The following ARHGAP15 variants were observed in gnomAD, a reference collection of about 807,000 sequenced individuals.
ARHGAP15 encodes the protein Rho GTPase activating protein 15.
Under a neutral mutation model 63.7 loss-of-function variants are expected in ARHGAP15, and 51 were observed. That is an observed-to-expected ratio of 0.80 (90% CI 0.64 to 1.01). The LOEUF (loss-of-function observed/expected upper bound fraction) is 1.01, where lower values mean the gene tolerates loss of function less well. ARHGAP15 is among the 50% of genes least tolerant of loss of function. ARHGAP15 has a pLI of 0.00. For synonymous variants in ARHGAP15, 191 were observed against 193.8 expected (o/e 0.99, Z 0.12); for missense variants, 560 against 564.6 (o/e 0.99, Z 0.08).
intron 2 of ARHGAP15, among the ~76,000 whole-genome samples, chr2:143,187,886 T>TA (rs1691510695): frequency 6.6e-6 from 1 of 152,240 alleles, no homozygotes; most frequent in African/African-American, 2.4e-5. Context: ...TTTAAAATGA[T>TA]ACATTACATT....
At chr2:143,419,150 G>GAA (rs35621298) in intron 6 of ARHGAP15, among the ~76,000 whole-genome samples, 172 of 150,670 alleles carry the variant, frequency 1.1e-3, no homozygotes, top group Middle Eastern at 6.8e-3. Context: ...GAAATTCTAA[G>GAA]AAAAAAAAAC....
chr2:143,436,955 A>C lies in ARHGAP15; in HGVS notation c.616A>C (p.Lys206Gln). The C allele has an allele frequency of 6.2e-7, 1 of 1,612,170 alleles. No homozygotes were observed. Among genetic ancestry groups the C allele is most frequent in the East Asian group, 2.2e-5 (1 of 44,794 alleles). Reference protein sequence around the residue: ...SCPSRNLELFKIQRSSSTELL... With the variant: ...SCPSRNLELFQIQRSSSTELL... ...TCCATCAAGAAACCTGGAATTATTC[A>C]AAATCCAAAGATCCTCTAGCACTGA... Residue 206 changes from lysine (K) to glutamine (Q), a missense_variant, in exon 8 of 14, where the codon AAA (lysine) becomes CAA (glutamine). By Grantham distance (53) the Lys-to-Gln change is moderately conservative. Transcript: ENST00000295095.
At chr2:143,257,945 A>G (rs571585952) in intron 6 of ARHGAP15, among the ~76,000 whole-genome samples, 1 of 152,122 alleles carries the variant, frequency 6.6e-6, no homozygotes, top group Non-Finnish European at 1.5e-5. Flanking sequence ...ATCCTTTTTC[A>G]TATCTGTTTC....
intron 12 of ARHGAP15, among the ~76,000 whole-genome samples, chr2:143,698,534 G>T (rs1267986378): frequency 2.0e-5 from 3 of 152,156 alleles, no homozygotes; most frequent in Admixed American, 1.3e-4. Context: ...CAATGAGTTT[G>T]ATGTAGTTTG....
At chr2:143,154,239 A>G (rs1689991588) in intron 1 of ARHGAP15, among the ~76,000 whole-genome samples, 1 of 151,908 alleles carries the variant, frequency 6.6e-6, no homozygotes, top group Admixed American at 6.6e-5. Context: ...AGCACATAGT[A>G]GATACTAAGT....
At chr2:143,445,153 ATTTTTTTTT>A (rs10671306) in intron 8 of ARHGAP15, among the ~76,000 whole-genome samples, 1 of 74,426 alleles carries the variant, frequency 1.3e-5, no homozygotes. Flanking sequence ...AAGAACAATT[ATTTTTTTTT>A]TTTTTTTTTT....
intron 11 of ARHGAP15, among the ~76,000 whole-genome samples, chr2:143,622,795 A>C (rs1057155774): frequency 6.6e-6 from 1 of 151,384 alleles, no homozygotes; most frequent in African/African-American, 2.4e-5. Flanking sequence ...AAAAAAAAAA[A>C]AAAAAAAAAA....
chr2:143,134,838 G>A (rs1261166349), intron 1 of ARHGAP15, among the ~76,000 whole-genome samples: 2 of 151,840 alleles, frequency 1.3e-5, no homozygotes, highest in African/African-American at 4.8e-5. Flanking sequence ...GGGGTTTCAC[G>A]GTGTTAGCCA....
At chr2:143,719,083 C>T (rs186841283) in intron 13 of ARHGAP15, among the ~76,000 whole-genome samples, 2 of 152,306 alleles carry the variant, frequency 1.3e-5, no homozygotes, top group African/African-American at 4.8e-5. Context: ...AAGTAGAACA[C>T]GTTGGGACAG....
At chr2:143,553,037 T>C (rs1454807226) in intron 10 of ARHGAP15, among the ~76,000 whole-genome samples, 2 of 152,202 alleles carry the variant, frequency 1.3e-5, no homozygotes, top group African/African-American at 4.8e-5. Flanking sequence ...TACATTGGTT[T>C]GGTTTGGCAT....
At chr2:143,767,617 G>T (rs1474589389) in intron 13 of ARHGAP15, among the ~76,000 whole-genome samples, 1 of 152,006 alleles carries the variant, frequency 6.6e-6, no homozygotes, top group Non-Finnish European at 1.5e-5. Context: ...TTTCATTTGG[G>T]TTCTTATATA....
chr2:143,744,601 T>TG (rs1212148465), intron 13 of ARHGAP15, among the ~76,000 whole-genome samples: 4 of 152,252 alleles, frequency 2.6e-5, no homozygotes, highest in Admixed American at 1.3e-4. Flanking sequence ...AGAGTGCGAA[T>TG]GTATAAACAC....
intron 2 of ARHGAP15, among the ~76,000 whole-genome samples, chr2:143,174,782 A>G (rs909240861): frequency 6.6e-6 from 1 of 152,142 alleles, no homozygotes; most frequent in Non-Finnish European, 1.5e-5. Context: ...GAGCTACTCA[A>G]TGGTTCTTTC....
intron 2 of ARHGAP15, among the ~76,000 whole-genome samples, chr2:143,198,123 C>A (rs139102678): frequency 6.6e-6 from 1 of 151,774 alleles, no homozygotes; most frequent in Non-Finnish European, 1.5e-5. Context: ...GTTTACACTT[C>A]GATACTTATA....
chr2:143,277,263 G>A, intron 6 of ARHGAP15, among the ~76,000 whole-genome samples: 1 of 151,646 alleles, frequency 6.6e-6, no homozygotes, highest in East Asian at 1.9e-4. Context: ...TCCTCAGTAA[G>A]AAAAAATGGG....
At chr2:143,346,236 T>TCACACACACACACTCACACACACACA (rs1685289302) in intron 6 of ARHGAP15, among the ~76,000 whole-genome samples, 5 of 82,548 alleles carry the variant, frequency 6.1e-5, no homozygotes, top group South Asian at 2.9e-4. Context: ...ACACTCTCTC[T>TCACACACACACACTCACACACACACA]CACACACACA....
intron 6 of ARHGAP15, among the ~76,000 whole-genome samples, chr2:143,398,494 T>C (rs1286197087): frequency 6.6e-6 from 1 of 152,074 alleles, no homozygotes; most frequent in Non-Finnish European, 1.5e-5. Context: ...CCTCCAAGCA[T>C]AATGCTGTAT....
Position 143,624,169 on chromosome 2 carries a change from A to T in ARHGAP15, c.1040A>T (p.Asp347Val). The T allele has an allele frequency of 6.2e-7, 1 of 1,613,436 alleles. No individual in the cohort carries two copies. The change falls in exon 12 of 14, where the codon GAC becomes GTC. Residue 347 changes from aspartate (D) to valine (V), a missense_variant. Transcript: ENST00000295095. ...AATTTGGACGACAGCCAGTGGGAGG[A>T]CATCCACGTTGTCACCGGAGCACTG... ...KLNLDDSQWEDIHVVTGALKM... is the reference protein window; with the variant it reads ...KLNLDDSQWEVIHVVTGALKM...
intron 8 of ARHGAP15, among the ~76,000 whole-genome samples, chr2:143,453,030 A>G (rs1000222782): frequency 6.6e-6 from 1 of 151,898 alleles, no homozygotes; most frequent in Non-Finnish European, 1.5e-5. Flanking sequence ...GATATGGTAA[A>G]TACTTTAGAG....
Sources: allele counts gnomAD v4.1 joint callset (sites outside exome capture counted in the v4.1 genomes callset), GRCh38; gene constraint gnomAD v4.1.1; transcripts MANE v1.5; gene names NCBI Gene and HGNC (gene_info 2026-07-23, HGNC 2026-07-21).